Variants in LRRIQ1 observed in about 807,000 individuals in gnomAD.
LRRIQ1 encodes leucine rich repeats and IQ motif containing 1, also known as leucine-rich repeat- and IQ domain-containing protein 1.
Under a neutral mutation model 211.9 loss-of-function variants are expected in LRRIQ1, and 210 were observed. That is an observed-to-expected ratio of 0.99 (90% CI 0.89 to 1.11). LRRIQ1 has a LOEUF of 1.11. Among genes scored for constraint, LRRIQ1 ranks in the 50% most tolerant of loss-of-function variants. The pLI is 0.00. For missense variants in LRRIQ1, 2,136 were observed against 1,939.5 expected, an observed-to-expected ratio of 1.10 and a Z score of -1.90; for synonymous variants, 699 against 650.1, an observed-to-expected ratio of 1.08 and a Z score of -1.14.
chr12:85,080,427 A>G (rs1051283351), intron 11 of LRRIQ1, among the ~76,000 whole-genome samples: 1 of 151,496 alleles, frequency 6.6e-6, no homozygotes, highest in East Asian at 1.9e-4. Context: ...TATAGAGGGC[A>G]TAATATATTT....
chr12:85,047,324 CAG>C lies in LRRIQ1; in HGVS notation c.534_535del (p.Lys179GlyfsTer5), dbSNP rs1879726750. On this transcript the variant is annotated frameshift_variant, in exon 6 of 27. Transcript: ENST00000393217. LOFTEE classifies it high-confidence loss of function. Reference protein sequence around the residue: ...RQSFEAWQEKQKELEDKEKQT... With the variant: ...RQSFEAWQEKXKELEDKEKQT... ...GTCTTTTGAGGCTTGGCAAGAGAAA[CAG>C]AAGGAATTAGAAGATAAAGAGAAAC... is the stretch of plus-strand genomic sequence containing the variant. 1 of 1,610,870 alleles carries C rather than the reference CAG, an allele frequency of 6.2e-7. No individual in the cohort carries two copies.
At chr12:85,116,489 A>G (rs1386829122) in intron 15 of LRRIQ1, among the ~76,000 whole-genome samples, 2 of 152,018 alleles carry the variant, frequency 1.3e-5, no homozygotes, top group African/African-American at 2.4e-5. Flanking sequence ...TATTTAAAAA[A>G]TAAAGCTTAC....
intron 7 of LRRIQ1, among the ~76,000 whole-genome samples, chr12:85,054,302 A>G (rs1448078602): frequency 6.6e-6 from 1 of 152,146 alleles, no homozygotes; most frequent in Non-Finnish European, 1.5e-5. Flanking sequence ...TTCAAGACAA[A>G]GGAAAAATAG....
chr12:85,260,427 A>G (rs912261116), intron 1 of LRRIQ1, among the ~76,000 whole-genome samples: 3 of 146,510 alleles, frequency 2.0e-5, no homozygotes, highest in Non-Finnish European at 2.9e-5. Context: ...TAAAATACAT[A>G]CTTACTTCTA....
downstream of LRRIQ1, among the ~76,000 whole-genome samples, chr12:85,265,567 G>A (rs1241370154): frequency 6.6e-6 from 1 of 151,762 alleles, no homozygotes; most frequent in Non-Finnish European, 1.5e-5. Context: ...GGCCCTTTCC[G>A]AGCACTGAAA....
intron 15 of LRRIQ1, among the ~76,000 whole-genome samples, chr12:85,115,844 TATAGTA>T (rs1347463642): frequency 1.3e-5 from 2 of 152,150 alleles, no homozygotes; most frequent in South Asian, 2.1e-4. Context: ...AAAATATGCT[TATAGTA>T]AAATATATTT....
intron 24 of LRRIQ1, among the ~76,000 whole-genome samples, chr12:85,201,402 G>T (rs948406341): frequency 1.3e-5 from 2 of 151,630 alleles, no homozygotes; most frequent in African/African-American, 4.8e-5. Context: ...GGTATAATTT[G>T]GCTGGGAATC....
At chr12:85,208,773 A>G (rs1372156946) in intron 24 of LRRIQ1, among the ~76,000 whole-genome samples, 6 of 152,172 alleles carry the variant, frequency 3.9e-5, no homozygotes, top group Non-Finnish European at 5.9e-5. Flanking sequence ...TGCATTATCT[A>G]TGCAGTTATA....
chr12:85,205,516 A>G (rs1045989507), intron 24 of LRRIQ1, among the ~76,000 whole-genome samples: 1 of 152,008 alleles, frequency 6.6e-6, no homozygotes, highest in Non-Finnish European at 1.5e-5. Context: ...CCTTCACTCT[A>G]TCTGCCTTTA....
At chr12:85,211,126 A>G (rs1481523846) in intron 24 of LRRIQ1, among the ~76,000 whole-genome samples, 1 of 152,210 alleles carries the variant, frequency 6.6e-6, no homozygotes, top group Non-Finnish European at 1.5e-5. Flanking sequence ...CTTTTTCAGC[A>G]TTCATAAAAC....
intron 1 of LRRIQ1, among the ~76,000 whole-genome samples, chr12:85,251,075 GTATT>G (rs1336388181): frequency 7.0e-6 from 1 of 142,430 alleles, no homozygotes; most frequent in Non-Finnish European, 1.5e-5. Context: ...AATTATAAGT[GTATT>G]TATGAAGAAC....
chr12:85,162,813 C>T (rs1324123407), intron 24 of LRRIQ1: 1 of 455,776 alleles, frequency 2.2e-6, no homozygotes, highest in South Asian at 1.6e-5. Flanking sequence ...GTACATTTGG[C>T]ATTTCATTAA....
At chr12:85,197,609 A>G (rs1892994765) in intron 24 of LRRIQ1, among the ~76,000 whole-genome samples, 1 of 151,334 alleles carries the variant, frequency 6.6e-6, no homozygotes, top group South Asian at 2.1e-4. Flanking sequence ...ATTCTCACTC[A>G]TAGGTGGGAA....
intron 24 of LRRIQ1, among the ~76,000 whole-genome samples, chr12:85,189,926 AAAT>A (rs1202972719): frequency 1.1e-4 from 16 of 143,472 alleles, no homozygotes; most frequent in East Asian, 2.0e-4. Flanking sequence ...TTAATAATAT[AAAT>A]AATAATTATA....
chr12:85,167,355 C>T (rs1369288995), intron 24 of LRRIQ1, among the ~76,000 whole-genome samples: 1 of 152,104 alleles, frequency 6.6e-6, no homozygotes, highest in Non-Finnish European at 1.5e-5. Flanking sequence ...CCACAATAGG[C>T]CATCTGCAAG....
chr12:85,149,012 G>A (rs1359889614), intron 19 of LRRIQ1, among the ~76,000 whole-genome samples: 45 of 151,778 alleles, frequency 3.0e-4, no homozygotes, highest in Non-Finnish European at 1.3e-4. Flanking sequence ...TTTTTTTCTT[G>A]TAAATTTGTT....
chr12:85,258,130 T>G (rs1031005769), intron 1 of LRRIQ1, among the ~76,000 whole-genome samples: 4 of 148,904 alleles, frequency 2.7e-5, no homozygotes, highest in African/African-American at 1.0e-4. Flanking sequence ...TCTGAATTGT[T>G]TTTTCAAAAT....
chr12:85,060,147 A>C (rs965118850), intron 8 of LRRIQ1, among the ~76,000 whole-genome samples: 1 of 151,864 alleles, frequency 6.6e-6, no homozygotes, highest in Non-Finnish European at 1.5e-5. Flanking sequence ...GCTGTATGTA[A>C]AGAACATGGC....
downstream of LRRIQ1, among the ~76,000 whole-genome samples, chr12:85,266,008 G>T (rs1027784071): frequency 6.6e-6 from 1 of 151,964 alleles, no homozygotes; most frequent in Non-Finnish European, 1.5e-5. Flanking sequence ...TGAATATTAT[G>T]AAATAAAAAG....
Sources: gnomAD v4.1 joint callset for allele counts (sites outside exome capture counted in the v4.1 genomes callset) on GRCh38, gnomAD v4.1.1 for gene constraint, MANE v1.5 for transcripts, NCBI Gene and HGNC (gene_info 2026-07-23, HGNC 2026-07-21) for gene names.